PTPRT: variants seen among roughly 807,000 people sequenced by gnomAD.
PTPRT encodes the protein protein tyrosine phosphatase receptor type T.
In PTPRT, 56 loss-of-function variants were observed where a neutral mutation model predicts 176.8. That is an observed-to-expected ratio of 0.32 (90% confidence interval 0.26 to 0.40). PTPRT has a LOEUF of 0.40. Among genes scored for constraint, PTPRT ranks in the 10% least tolerant of loss-of-function variants. The probability of loss-of-function intolerance (pLI) is 1.00; values close to 1 mark genes in which losing one functional copy is unlikely to be tolerated. For missense variants in PTPRT, 1,540 were observed against 1,908.2 expected, an observed-to-expected ratio of 0.81 and a Z score of 3.60; for synonymous variants, 783 against 739.0, an observed-to-expected ratio of 1.06 and a Z score of -0.96.
At chr20:43,153,754 A>C (rs1268039845) in intron 1 of PTPRT, among the ~76,000 whole-genome samples, 1 of 152,260 alleles carries the variant, frequency 6.6e-6, no homozygotes. Context: ...TTCTGTAAAA[A>C]GATTAGCGCA....
At chr20:42,109,509 C>T (rs894868214) in intron 23 of PTPRT, among the ~76,000 whole-genome samples, 15 of 152,202 alleles carry the variant, frequency 9.9e-5, no homozygotes, top group Non-Finnish European at 2.9e-5. Context: ...AAGGTAAAAC[C>T]TGGTGCTGTC....
At chr20:42,316,299 A>G (rs548965346) in intron 11 of PTPRT, among the ~76,000 whole-genome samples, 6 of 152,278 alleles carry the variant, frequency 3.9e-5, no homozygotes, top group East Asian at 1.9e-4. Flanking sequence ...GCATCTGACA[A>G]GTGGCCAGAA....
At chr20:42,178,099 G>A (rs907262291) in intron 16 of PTPRT, among the ~76,000 whole-genome samples, 19 of 151,922 alleles carry the variant, frequency 1.3e-4, no homozygotes, top group Admixed American at 5.3e-4. Context: ...CACCACACCC[G>A]GCTAATTTTT....
chr20:42,995,372 G>A (rs1984165635), intron 1 of PTPRT, among the ~76,000 whole-genome samples: 1 of 152,144 alleles, frequency 6.6e-6, no homozygotes, highest in South Asian at 2.1e-4. Context: ...CTAGCAAGGG[G>A]AAGAGCATCA....
intron 9 of PTPRT, among the ~76,000 whole-genome samples, chr20:42,362,904 G>A (rs1050297807): frequency 5.3e-5 from 8 of 151,718 alleles, no homozygotes; most frequent in African/African-American, 1.7e-4. Context: ...TCAGGAGTTC[G>A]AGACCAGCCT....
At chr20:42,112,505 A>AATG in intron 22 of PTPRT, among the ~76,000 whole-genome samples, 1 of 152,290 alleles carries the variant, frequency 6.6e-6, no homozygotes, top group South Asian at 2.1e-4. Context: ...TAAAACCAGT[A>AATG]ATGTTCTGGG....
intron 11 of PTPRT, among the ~76,000 whole-genome samples, chr20:42,334,910 T>A (rs866359594): frequency 1.3e-5 from 2 of 152,210 alleles, no homozygotes; most frequent in South Asian, 2.1e-4. Context: ...ATTTACCTCT[T>A]CTATCTCCTC....
intron 2 of PTPRT, among the ~76,000 whole-genome samples, chr20:42,806,003 A>G (rs966162059): frequency 7.1e-6 from 1 of 140,574 alleles, no homozygotes; most frequent in African/African-American, 2.7e-5. Flanking sequence ...TATAGGGAAG[A>G]TTTTTTTTTT....
chr20:43,163,123 TC>T (rs1455742548), intron 1 of PTPRT, among the ~76,000 whole-genome samples: 2 of 152,166 alleles, frequency 1.3e-5, no homozygotes, highest in Non-Finnish European at 1.5e-5. Context: ...ACTGTGGCAA[TC>T]CTTACAAAAG....
chr20:42,829,156 G>A (rs1001928787), intron 2 of PTPRT, among the ~76,000 whole-genome samples: 5 of 152,166 alleles, frequency 3.3e-5, no homozygotes, highest in African/African-American at 9.7e-5. Context: ...TGTGAGACAC[G>A]GAGTCAAAGT....
intron 6 of PTPRT, among the ~76,000 whole-genome samples, chr20:42,679,299 A>G (rs1001879954): frequency 2.6e-4 from 32 of 124,694 alleles, no homozygotes; most frequent in African/African-American, 7.3e-4. Flanking sequence ...TTTAATGGGG[A>G]AAAAAAAAAA....
rs3973927 is a variant in PTPRT, at chr20:42,389,863, A to AG, written c.1561-37579_1561-37578insC. ...GAGCAAAACCCTGTCAAAAAAAAAA[A>AG]AAAAAAGAAAGAAAGCCTTGAGGCT... On this transcript the variant is annotated intron_variant, in intron 9 of 30. Coordinates refer to ENST00000373187, the MANE Select transcript of PTPRT (RefSeq NM_007050.6). Among the ~76,000 whole-genome samples the AG allele has an allele frequency of 8.3e-3, 882 of 106,424 alleles. 11 individuals carry two copies. The highest frequency in any genetic ancestry group is 0.034 in the African/African-American group (848 of 24,650). The allele number at this position is 106,424 out of a possible 152,430, so 69.8% of individuals were successfully genotyped here.
chr20:42,468,884 C>T (rs559653278), intron 8 of PTPRT, among the ~76,000 whole-genome samples: 1 of 152,286 alleles, frequency 6.6e-6, no homozygotes, highest in African/African-American at 2.4e-5. Flanking sequence ...GTCACTAAAC[C>T]ATCCTTTTGC....
chr20:42,505,714 G>A (rs2071832473), intron 7 of PTPRT, among the ~76,000 whole-genome samples: 1 of 152,102 alleles, frequency 6.6e-6, no homozygotes, highest in Non-Finnish European at 1.5e-5. Context: ...ATGAGCAACA[G>A]GAACTACTGG....
chr20:42,376,127 CTG>C (rs1405970031), intron 9 of PTPRT, among the ~76,000 whole-genome samples: 2 of 152,164 alleles, frequency 1.3e-5, no homozygotes, highest in African/African-American at 4.8e-5. Flanking sequence ...CGTGAGAAAA[CTG>C]TGATGAACGG....
intron 6 of PTPRT, among the ~76,000 whole-genome samples, chr20:42,742,558 G>T (rs774923695): frequency 6.6e-6 from 1 of 152,136 alleles, no homozygotes; most frequent in Non-Finnish European, 1.5e-5. Context: ...AAAAGAGAGG[G>T]GGCTTGCATA....
intron 1 of PTPRT, among the ~76,000 whole-genome samples, chr20:43,120,669 G>A (rs1399646250): frequency 6.6e-6 from 1 of 152,182 alleles, no homozygotes; most frequent in East Asian, 1.9e-4. Context: ...ACGTGTGTGT[G>A]TCCATAGATC....
intron 1 of PTPRT, among the ~76,000 whole-genome samples, chr20:43,053,936 T>C (rs1260728034): frequency 3.3e-5 from 5 of 152,256 alleles, no homozygotes; most frequent in African/African-American, 1.2e-4. Context: ...CACCTATTTA[T>C]CAACCAACAA....
At chr20:42,225,480 TTCTC>T (rs1160157910) in intron 15 of PTPRT, among the ~76,000 whole-genome samples, 2 of 152,148 alleles carry the variant, frequency 1.3e-5, no homozygotes, top group African/African-American at 4.8e-5. Context: ...GATTCAAACT[TTCTC>T]CCTACCCCTT....
Sources: allele counts gnomAD v4.1 joint callset (sites outside exome capture counted in the v4.1 genomes callset), GRCh38; gene constraint gnomAD v4.1.1; transcripts MANE v1.5; gene names NCBI Gene and HGNC (gene_info 2026-07-23, HGNC 2026-07-21).